Variants in DOCK8 observed in about 807,000 individuals in gnomAD.
DOCK8 encodes dedicator of cytokinesis protein 8.
In DOCK8, 141 loss-of-function variants were observed where a neutral mutation model predicts 245.6. That is an observed-to-expected ratio of 0.57 (90% confidence interval 0.50 to 0.66). The LOEUF is 0.66. Ranked by LOEUF, DOCK8 falls within the 30% of genes least tolerant of loss-of-function variation. The probability of loss-of-function intolerance (pLI) is 0.00; values close to 1 mark genes in which losing one functional copy is unlikely to be tolerated. For synonymous variants in DOCK8, 1,168 were observed against 970.2 expected (o/e 1.20, Z -3.79); for missense variants, 2,965 against 2,603.4 (o/e 1.14, Z -3.02).
chr9:388,853 C>T (rs1271481931), intron 23 of DOCK8, among the ~76,000 whole-genome samples: 1 of 152,172 alleles, frequency 6.6e-6, no homozygotes, highest in African/African-American at 2.4e-5. Context: ...CACACCTAGC[C>T]CTCTGTGGAT....
Position 464,296 on chromosome 9 carries a change from C to T in DOCK8, c.*77C>T, listed in dbSNP as rs2057905622. The T allele has an allele frequency of 3.2e-6, 4 of 1,238,520 alleles. No homozygotes were observed. Among genetic ancestry groups the T allele is most frequent in the Admixed American group, 3.4e-5 (2 of 59,490 alleles). 76.7% of individuals were successfully genotyped at this position (1,238,520 alleles called of 1,614,324 possible). A position where few individuals can be genotyped will look rare whatever the true frequency, so the allele number is the denominator to read the frequency against. Reference sequence around the variant, plus strand: ...ACTTGCTGGTACTTAAAAAATGGGACATTTGCCACCCAGGACTGACTGTAC... The same window carrying T: ...ACTTGCTGGTACTTAAAAAATGGGATATTTGCCACCCAGGACTGACTGTAC... On this transcript the variant is annotated 3_prime_UTR_variant, in exon 48 of 48. Coordinates refer to ENST00000432829, the MANE Select transcript of DOCK8 (RefSeq NM_203447.4).
chr9:428,279 G>A (rs1462640845), intron 34 of DOCK8, 83 bp from the exon 35 acceptor site: 59 of 1,605,538 alleles, frequency 3.7e-5, no homozygotes, highest in Non-Finnish European at 4.4e-5. Flanking sequence ...TGGAACATCA[G>A]CATTACTGAG....
At chr9:424,439 T>C (rs560749130) in intron 33 of DOCK8, among the ~76,000 whole-genome samples, 2 of 152,066 alleles carry the variant, frequency 1.3e-5, no homozygotes, top group Non-Finnish European at 1.5e-5. Context: ...AGACAAGGTC[T>C]CACTCTGTCA....
At chr9:298,478 T>C (rs2049366599) in intron 4 of DOCK8, among the ~76,000 whole-genome samples, 2 of 152,286 alleles carry the variant, frequency 1.3e-5, no homozygotes, top group South Asian at 4.1e-4. Flanking sequence ...TCAGATACAG[T>C]GCATGAACTT....
chr9:311,279 G>A (rs1290091300), intron 5 of DOCK8, among the ~76,000 whole-genome samples: 3 of 137,276 alleles, frequency 2.2e-5, no homozygotes, highest in African/African-American at 5.9e-5. Context: ...AGCAAGACTC[G>A]GTCTTTAAAA....
rs777938082 is a variant in DOCK8, at chr9:422,030, G to T, written c.4154-18G>T. 4 of 1,601,800 alleles carry T rather than the reference G, an allele frequency of 2.5e-6. No homozygotes were observed. The South Asian group carries it at 4.4e-5, about 18-fold the overall frequency. On this transcript the variant is annotated intron_variant, in intron 32 of 47. Transcript: ENST00000432829. ...TTCATGCTAATCAAATTCCTATCAT[G>T]CATTTCTTAACTCCTAGGGAACGAC...
chr9:445,616 GC>G (rs1439477442), intron 43 of DOCK8, among the ~76,000 whole-genome samples: 1 of 152,164 alleles, frequency 6.6e-6, no homozygotes, highest in Admixed American at 6.5e-5. Context: ...TACTTCCCGT[GC>G]CCATTGGTAG....
intron 24 of DOCK8, among the ~76,000 whole-genome samples, chr9:396,379 C>T (rs1564005878): frequency 6.6e-6 from 1 of 152,134 alleles, no homozygotes; most frequent in Non-Finnish European, 1.5e-5. Context: ...CTTTAGTTCG[C>T]ATCAAGAACC....
chr9:258,914 G>C (rs2479326), intron 1 of DOCK8, among the ~76,000 whole-genome samples: 60,288 of 151,678 alleles, frequency 0.4, 12,617 homozygotes, highest in East Asian at 0.79. Context: ...AGACTCTTAA[G>C]ATACTTTCAT....
intron 14 of DOCK8, among the ~76,000 whole-genome samples, chr9:341,408 G>A (rs1441281250): frequency 6.6e-6 from 1 of 152,102 alleles, no homozygotes; most frequent in Non-Finnish European, 1.5e-5. Flanking sequence ...TTCCTTTAAT[G>A]CAGAAAAGGA....
At position 215,142 on chromosome 9, in the gene DOCK8, GGCGC is replaced by G. The variant is rs747634341; in HGVS notation, c.53+116_53+119del. On this transcript the variant is annotated intron_variant, in intron 1 of 47. Coordinates refer to ENST00000432829, the MANE Select transcript of DOCK8 (RefSeq NM_203447.4). ...ACGAGTCCATTCGCGTCCGCGGCGG[GGCGC>G]GCCTGAGACCTGGGGCGCCCGGTTC... 13 of 1,465,620 alleles carry G rather than the reference GGCGC, an allele frequency of 8.9e-6. No homozygotes were observed. In the South Asian group the frequency reaches 1.6e-4, roughly 19 times the overall value. 90.8% of individuals were successfully genotyped at this position (1,465,620 alleles called of 1,614,324 possible). A position where few individuals can be genotyped will look rare whatever the true frequency, so the allele number is the denominator to read the frequency against.
chr9:349,235 T>C (rs1323257803), intron 14 of DOCK8, among the ~76,000 whole-genome samples: 1 of 152,224 alleles, frequency 6.6e-6, no homozygotes, highest in African/African-American at 2.4e-5. Flanking sequence ...ATTCATCAGA[T>C]GTCATGTGTC....
At chr9:429,675 C>G in intron 35 of DOCK8, 27 bp from the exon 36 acceptor site, 1 of 1,613,976 alleles carries the variant, frequency 6.2e-7, no homozygotes, top group Non-Finnish European at 8.5e-7. Context: ...CCAAGTGATG[C>G]CTAATGGCCC....
In DOCK8 at chr9:432,275, C is replaced by G. The variant is rs145202369; in HGVS notation, c.4736C>G (p.Ala1579Gly). ...HLRRSLRTILAYSEEDTAMQM... is the reference protein window; with the variant it reads ...HLRRSLRTILGYSEEDTAMQM... ...AGAAGATCCTTGAGGACAATTTTGG[C>G]CTATTCAGAAGAGGACACAGCCATG... Residue 1579 changes from alanine (A) to glycine (G), a missense_variant, in exon 37 of 48, where the codon GCC becomes GGC. Around this residue, in one of 3 missense-constraint regions of DOCK8, gnomAD observed 2,825 missense variants for 2,453.5 expected, o/e 1.15. Transcript: ENST00000432829. 4.5e-5 allele frequency: 73 copies of G among 1,613,742 alleles called. No individual in the cohort carries two copies. In the African/African-American group the frequency reaches 9.0e-4, roughly 20 times the overall value.
intron 26 of DOCK8, among the ~76,000 whole-genome samples, chr9:401,725 T>C (rs1355221532): frequency 6.6e-6 from 1 of 152,130 alleles, no homozygotes; most frequent in Non-Finnish European, 1.5e-5. Context: ...AGAAACAATC[T>C]TTGACTTGTT....
intron 15 of DOCK8, 109 bp from the exon 16 acceptor site, chr9:370,121 G>T (rs2053217086): frequency 2.1e-6 from 2 of 969,538 alleles, no homozygotes; most frequent in East Asian, 4.9e-5. Context: ...ACTCTTAATT[G>T]TACAAAATGC....
intron 27 of DOCK8, among the ~76,000 whole-genome samples, chr9:406,363 T>C (rs1004151190): frequency 6.6e-6 from 1 of 152,018 alleles, no homozygotes; most frequent in Non-Finnish European, 1.5e-5. Flanking sequence ...GTAGTGTGAC[T>C]GTAATCCCAG....
intron 46 of DOCK8, 94 bp from the exon 47 acceptor site, chr9:463,423 A>T (rs1033560328): frequency 3.0e-5 from 46 of 1,512,386 alleles, no homozygotes; most frequent in Non-Finnish European, 4.2e-5. Flanking sequence ...ACGTTCTTAA[A>T]GTTATTCGAA....
rs528980259 is a variant in DOCK8 at position 377,105 on chromosome 9, C to G, written c.2334C>G (p.Ile778Met). The change falls in exon 20 of 48, where the codon ATC (isoleucine) becomes ATG (methionine). Residue 778 changes from isoleucine (I) to methionine (M), a missense_variant. Ile to Met is a conservative substitution (Grantham distance 10). Around this residue, in one of 3 missense-constraint regions of DOCK8, gnomAD observed 2,825 missense variants for 2,453.5 expected, o/e 1.15. Coordinates refer to ENST00000432829, the MANE Select transcript of DOCK8 (RefSeq NM_203447.4). ...ALEHELKLSI[I>M]CLNSSRLEPL... is the part of the protein sequence containing the mutation. ...AGCATGAGCTGAAGCTCAGCATCATCTGCCTGAACTCCTCCCGCCTGGAGC... is the reference window on the plus strand; with the variant it reads ...AGCATGAGCTGAAGCTCAGCATCATGTGCCTGAACTCCTCCCGCCTGGAGC... The G allele has an allele frequency of 6.2e-7, 1 of 1,612,050 alleles. No homozygotes were observed. The highest frequency in any genetic ancestry group is 2.2e-5 in the East Asian group (1 of 44,882).
Sources: allele counts gnomAD v4.1 joint callset (sites outside exome capture counted in the v4.1 genomes callset), GRCh38; gene constraint gnomAD v4.1.1; regional missense constraint gnomAD v4.1.1; transcripts MANE v1.5; gene names NCBI Gene and HGNC (gene_info 2026-07-23, HGNC 2026-07-21).